DSCAM: variants seen among roughly 807,000 people sequenced by gnomAD.
DSCAM encodes the protein cell adhesion molecule DSCAM.
A neutral mutation model predicts 217.7 loss-of-function variants in DSCAM; 47 were observed. The observed-to-expected ratio is 0.22, with a 90% confidence interval of 0.17 to 0.28. The LOEUF is 0.28. Ranked by LOEUF, DSCAM falls within the 10% of genes least tolerant of loss-of-function variation. The probability of loss-of-function intolerance (pLI) is 1.00; values close to 1 mark genes in which losing one functional copy is unlikely to be tolerated. For missense variants in DSCAM, 2,080 were observed against 2,618.3 expected, an observed-to-expected ratio of 0.79 and a Z score of 4.49; for synonymous variants, 1,056 against 1,015.3, an observed-to-expected ratio of 1.04 and a Z score of -0.76.
rs143501275 is a variant in DSCAM, at chr21:40,106,157, G to T, written c.3697-12283C>A. On this transcript the variant is annotated intron_variant, in intron 20 of 32. Transcript: ENST00000400454. ...TGGCAGACAAGAGAGGGTGTGCAGG[G>T]GAACTGCTCTTTATAAAACCATCAG... Among the ~76,000 whole-genome samples, 6 of 152,200 alleles carry T rather than the reference G, an allele frequency of 3.9e-5. 1 individual carries two copies. The highest frequency in any genetic ancestry group is 3.9e-4 in the Admixed American group (6 of 15,286).
chr21:40,123,802 G>A (rs146389711), intron 20 of DSCAM, among the ~76,000 whole-genome samples: 1,754 of 150,564 alleles, frequency 0.012, 16 homozygotes, highest in Non-Finnish European at 0.02. Flanking sequence ...AGGGAAGGAG[G>A]GAGGGAGGGA....
At chr21:40,516,888 C>CGT (rs892085071) in intron 3 of DSCAM, among the ~76,000 whole-genome samples, 1 of 143,476 alleles carries the variant, frequency 7.0e-6, no homozygotes, top group South Asian at 2.2e-4. Flanking sequence ...ACACACACAC[C>CGT]ATATATATAT....
intron 8 of DSCAM, among the ~76,000 whole-genome samples, chr21:40,320,170 T>A (rs976212084): frequency 6.6e-6 from 1 of 152,204 alleles, no homozygotes; most frequent in African/African-American, 2.4e-5. Context: ...AACTTGTACA[T>A]CCTGCACATG....
Position 40,816,984 on chromosome 21 carries a change from C to T in DSCAM, c.43+29635G>A, listed in dbSNP as rs376131336. Among the ~76,000 whole-genome samples, 5 of 152,190 alleles carry T rather than the reference C, an allele frequency of 3.3e-5. No individual in the cohort carries two copies. In the East Asian group the frequency reaches 7.7e-4, roughly 24 times the overall value. ...GAACTTTGGAGGTGAATTTCATAGC[C>T]TTTAAAATCACGCCATTCACCTCTT... On this transcript the variant is annotated intron_variant, in intron 1 of 32. Coordinates refer to ENST00000400454, the MANE Select transcript of DSCAM (RefSeq NM_001389.5).
chr21:40,377,842 C>T (rs2074978760), intron 3 of DSCAM, among the ~76,000 whole-genome samples: 1 of 152,090 alleles, frequency 6.6e-6, no homozygotes, highest in African/African-American at 2.4e-5. Flanking sequence ...TGCAAAGGGC[C>T]TCAGCTCCCT....
chr21:40,338,273 C>T lies in DSCAM; in HGVS notation c.1611G>A (p.Trp537Ter), dbSNP rs1168246588. 6.2e-7 allele frequency: 1 copy of T among 1,614,118 alleles called. No homozygotes were observed. The highest frequency in any genetic ancestry group is 8.5e-7 in the Non-Finnish European group (1 of 1,180,056). Residue 537 changes from tryptophan to a stop codon, truncating the protein, a stop_gained, in exon 8 of 33, where the codon TGG (tryptophan) becomes TGA (stop). Coordinates refer to ENST00000400454, the MANE Select transcript of DSCAM (RefSeq NM_001389.5). LOFTEE classifies it high-confidence loss of function. ...AAGGAAGCAGGTTAGAGTTCTTGTACCATTTAATGGAGTAATACGGATAGC... is the reference window on the plus strand; with the variant it reads ...AAGGAAGCAGGTTAGAGTTCTTGTATCATTTAATGGAGTAATACGGATAGC... ...VIGYPYYSIK[W>*]YKNSNLLPFN...
intron 3 of DSCAM, among the ~76,000 whole-genome samples, chr21:40,530,834 T>C (rs2837679): frequency 0.29 from 43,838 of 151,514 alleles, 8,224 homozygotes; most frequent in African/African-American, 0.52. Context: ...GTGGTGTCCA[T>C]CAAAGCTACA....
intron 10 of DSCAM, among the ~76,000 whole-genome samples, chr21:40,288,609 C>T (rs2073855167): frequency 6.6e-6 from 1 of 152,146 alleles, no homozygotes; most frequent in East Asian, 1.9e-4. Flanking sequence ...ACACAGACTC[C>T]AGTATTCACA....
chr21:40,461,520 C>A (rs1243961506), intron 3 of DSCAM, among the ~76,000 whole-genome samples: 1 of 152,106 alleles, frequency 6.6e-6, no homozygotes. Flanking sequence ...GCTGGTTTCA[C>A]ACTCAAGCAT....
At chr21:40,571,069 A>C (rs1341953267) in intron 3 of DSCAM, among the ~76,000 whole-genome samples, 1 of 152,162 alleles carries the variant, frequency 6.6e-6, no homozygotes, top group East Asian at 1.9e-4. Flanking sequence ...ACACCTAGGT[A>C]CATCAGAGGT....
At chr21:40,398,362 C>G (rs1242486131) in intron 3 of DSCAM, among the ~76,000 whole-genome samples, 1 of 152,170 alleles carries the variant, frequency 6.6e-6, no homozygotes, top group African/African-American at 2.4e-5. Context: ...TCCCAACAGA[C>G]CTTGCAGTTT....
intron 20 of DSCAM, among the ~76,000 whole-genome samples, chr21:40,110,155 G>A (rs2089877520): frequency 6.6e-6 from 1 of 152,160 alleles, no homozygotes; most frequent in South Asian, 2.1e-4. Context: ...AGCCTAACTG[G>A]GAGGCACCCA....
At chr21:40,188,066 C>A in intron 12 of DSCAM, 79 bp from the exon 13 acceptor site, 1 of 1,032,780 alleles carries the variant, frequency 9.7e-7, no homozygotes. Context: ...TCTCTCCACT[C>A]TTTCAGTTCT....
intron 3 of DSCAM, among the ~76,000 whole-genome samples, chr21:40,378,554 ATTTTTTTTTTTTTTTTT>A (rs71186931): frequency 6.6e-5 from 5 of 75,706 alleles, no homozygotes; most frequent in African/African-American, 2.5e-4. Flanking sequence ...ATGAAAACTT[ATTTTTTTTTTTTTTTTT>A]TTTTTTTTTT....
chr21:40,463,138 T>C (rs1003697033), intron 3 of DSCAM, among the ~76,000 whole-genome samples: 1 of 152,264 alleles, frequency 6.6e-6, no homozygotes, highest in Admixed American at 6.5e-5. Flanking sequence ...ATAACGAGCA[T>C]TGTAATATAC....
At chr21:40,495,758 A>G (rs1017187277) in intron 3 of DSCAM, among the ~76,000 whole-genome samples, 2 of 152,192 alleles carry the variant, frequency 1.3e-5, no homozygotes, top group Admixed American at 6.6e-5. Context: ...TTTGCAGGCT[A>G]CATATCTTTT....
intron 11 of DSCAM, among the ~76,000 whole-genome samples, chr21:40,192,316 G>A (rs140762929): frequency 3.9e-4 from 59 of 152,222 alleles, no homozygotes; most frequent in African/African-American, 1.2e-3. Context: ...GTCTCCCATA[G>A]TGTCATGGGA....
intron 14 of DSCAM, among the ~76,000 whole-genome samples, chr21:40,183,104 T>TACCAGAGAAACCGTGGACAGGAGGGGGG (rs1568987237): frequency 2.7e-4 from 2 of 7,542 alleles, no homozygotes; most frequent in Non-Finnish European, 4.3e-4. Context: ...ACGGGGGGGG[T>TACCAGAGAAACCGTGGACAGGAGGGGGG]TACCAGAGAA....
intron 11 of DSCAM, among the ~76,000 whole-genome samples, chr21:40,245,928 G>C (rs1361841522): frequency 2.6e-5 from 4 of 152,146 alleles, no homozygotes; most frequent in Admixed American, 6.5e-5. Flanking sequence ...AAGCTGGCAG[G>C]ATAGGGAAGT....
Sources: allele counts gnomAD v4.1 joint callset (sites outside exome capture counted in the v4.1 genomes callset), GRCh38; gene constraint gnomAD v4.1.1; transcripts MANE v1.5; gene names NCBI Gene and HGNC (gene_info 2026-07-23, HGNC 2026-07-21).